INSC: variants seen among roughly 807,000 people sequenced by gnomAD.
INSC encodes protein inscuteable homolog.
A neutral mutation model predicts 58.6 loss-of-function variants in INSC; 67 were observed. The observed-to-expected ratio is 1.14, with a 90% CI of 0.94 to 1.40. The LOEUF (loss-of-function observed/expected upper bound fraction) is 1.40. Among genes scored for constraint, INSC ranks in the 40% most tolerant of loss-of-function variants. The probability of loss-of-function intolerance (pLI) is 0.00; values close to 1 mark genes in which losing one functional copy is unlikely to be tolerated. For missense variants in INSC, 714 were observed against 692.0 expected (o/e 1.03, Z -0.36); for synonymous variants, 262 against 276.1 (o/e 0.95, Z 0.51).
intron 10 of INSC, 86 bp from the exon 11 acceptor site, chr11:15,238,833 G>T: frequency 7.1e-7 from 1 of 1,417,442 alleles, no homozygotes; most frequent in Non-Finnish European, 9.7e-7. Flanking sequence ...GCCTTTGCTT[G>T]CACCCTGCAG....
chr11:15,176,250 A>G (rs544366761), intron 3 of INSC, among the ~76,000 whole-genome samples, 164 bp downstream of exon 3: 3 of 151,846 alleles, frequency 2.0e-5, no homozygotes, highest in South Asian at 2.1e-4. Flanking sequence ...CTGAGTGCCT[A>G]CTATGTGGTG....
chr11:15,179,901 TG>T (rs1381403379), intron 5 of INSC, among the ~76,000 whole-genome samples: 1 of 152,254 alleles, frequency 6.6e-6, no homozygotes, highest in African/African-American at 2.4e-5. Context: ...GTACAGGTGC[TG>T]GCTGTTGCTT....
At chr11:15,137,697 G>A (rs1329983417) in intron 1 of INSC, among the ~76,000 whole-genome samples, 1 of 152,184 alleles carries the variant, frequency 6.6e-6, no homozygotes, top group East Asian at 1.9e-4. Flanking sequence ...ACTTGCTGTA[G>A]ATTAGGCTTT....
intron 6 of INSC, among the ~76,000 whole-genome samples, chr11:15,196,506 A>C (rs1850375611): frequency 6.6e-6 from 1 of 152,086 alleles, no homozygotes; most frequent in Non-Finnish European, 1.5e-5. Context: ...TCTCCCTCCT[A>C]ATCAGTATTT....
In INSC at chr11:15,240,441, C is replaced by T. The variant is rs1054986052; in HGVS notation, c.1394-6C>T. On this transcript the variant is annotated splice_polypyrimidine_tract_variant and splice_region_variant and intron_variant, in intron 11 of 12. Transcript: ENST00000379556. Reference sequence around the variant, plus strand: ...GGGCCTGAGGCTCTCCCTGTGTCTCCTACAGGCATGTCCCGTCTCATCGAG... The same window carrying T: ...GGGCCTGAGGCTCTCCCTGTGTCTCTTACAGGCATGTCCCGTCTCATCGAG... The T allele has an allele frequency of 4.3e-6, 7 of 1,613,376 alleles. No homozygotes were observed. Among genetic ancestry groups the T allele is most frequent in the Non-Finnish European group, 5.9e-6 (7 of 1,179,660 alleles).
chr11:15,141,449 G>A (rs919992323), intron 1 of INSC, among the ~76,000 whole-genome samples: 3 of 152,170 alleles, frequency 2.0e-5, no homozygotes, highest in African/African-American at 7.2e-5. Flanking sequence ...GTCCTGGAGA[G>A]GATTCAGCCC....
At position 15,204,957 on chromosome 11, in the gene INSC, A is replaced by G. The variant is rs148585442; in HGVS notation, c.819+4008A>G. ...TAGACAGGTCACTGCATCCATCCCAATTGCTGCTGTGTCATGCCTGAGCCT... is the reference window on the plus strand; with the variant it reads ...TAGACAGGTCACTGCATCCATCCCAGTTGCTGCTGTGTCATGCCTGAGCCT... On this transcript the variant is annotated intron_variant, in intron 7 of 12. Coordinates refer to ENST00000379556, the MANE Select transcript of INSC (RefSeq NM_001042536.3). Among the ~76,000 whole-genome samples, 17 of 152,148 alleles carry G rather than the reference A, an allele frequency of 1.1e-4. No individual in the cohort carries two copies. The East Asian group carries it at 3.1e-3, about 28-fold the overall frequency.
In INSC at chr11:15,140,690, C is replaced by G. The variant is rs1714357; in HGVS notation, c.-45-8440C>G. ...AATTCCTGGGTTCAGGCAGTCCCCC[C>G]ACCTCAGCCTCCCCTGTAGCTGGGA... On this transcript the variant is annotated intron_variant, in intron 1 of 12. Transcript: ENST00000379556. 4.2e-3 allele frequency among the ~76,000 whole-genome samples: 642 copies of G among 151,956 alleles called. 9 individuals are homozygous for G. The highest frequency in any genetic ancestry group is 0.014 in the African/African-American group (596 of 41,432).
At chr11:15,198,377 A>AT (rs1335434787) in intron 6 of INSC, among the ~76,000 whole-genome samples, 2 of 152,124 alleles carry the variant, frequency 1.3e-5, no homozygotes, top group Admixed American at 1.3e-4. Flanking sequence ...TAAGAAGGCC[A>AT]TTTTTCACAG....
downstream of INSC, among the ~76,000 whole-genome samples, chr11:15,250,928 T>C (rs1852643609): frequency 6.6e-6 from 1 of 152,210 alleles, no homozygotes; most frequent in African/African-American, 2.4e-5. Flanking sequence ...CTGTTTAAGA[T>C]TGTAAAAATC....
chr11:15,200,993 G>A (rs748144160), intron 7 of INSC, 44 bp downstream of exon 7: 3 of 1,559,518 alleles, frequency 1.9e-6, no homozygotes, highest in Non-Finnish European at 2.6e-6. Flanking sequence ...CTCAAGCCAG[G>A]TAGGGGTGAG....
rs529518368 is a variant in INSC, at chr11:15,158,860, GT to G, written c.56+9651del. Reference sequence around the variant, plus strand: ...ATTATAACCAGATGAATTGTTGGTGGTTTTTTTTTTTTTTTTTTTTTGCCTG... The same window carrying G: ...ATTATAACCAGATGAATTGTTGGTGGTTTTTTTTTTTTTTTTTTTTGCCTG... On this transcript the variant is annotated intron_variant, in intron 2 of 12. Coordinates refer to ENST00000379556, the MANE Select transcript of INSC (RefSeq NM_001042536.3). Among the ~76,000 whole-genome samples, 166 of 109,656 alleles carry G rather than the reference GT, an allele frequency of 1.5e-3. 1 individual carries two copies. Among genetic ancestry groups the G allele is most frequent in the African/African-American group, 5.0e-3 (140 of 28,266 alleles). The allele number at this position is 109,656 out of a possible 152,430, so 71.9% of individuals were successfully genotyped here. A position where few individuals can be genotyped will look rare whatever the true frequency, so the allele number is the denominator to read the frequency against.
intron 10 of INSC, 133 bp downstream of exon 10, chr11:15,235,801 A>C: frequency 1.2e-6 from 1 of 806,140 alleles, no homozygotes; most frequent in Non-Finnish European, 2.2e-6. Context: ...CATGCCTGTA[A>C]TCCCAGCACT....
At chr11:15,111,485 G>A (rs1460567528), upstream of INSC, among the ~76,000 whole-genome samples, 1 of 152,220 alleles carries the variant, frequency 6.6e-6, no homozygotes, top group African/African-American at 2.4e-5. Context: ...GGAGAAGAAT[G>A]TGGAGTCAGG....
rs1365380400 is a variant in INSC, at chr11:15,206,977, AC to A, written c.819+6030del. Among the ~76,000 whole-genome samples, 3 of 152,156 alleles carry A rather than the reference AC, an allele frequency of 2.0e-5. No individual in the cohort carries two copies. In the South Asian group the frequency reaches 6.2e-4, roughly 32 times the overall value. ...CCTGGTTATTGGGGATTTTGCAATG[AC>A]CATGGCAGGGTGCCAGGTACTCTGA... On this transcript the variant is annotated intron_variant, in intron 7 of 12. Transcript: ENST00000379556.
At chr11:15,189,371 ATT>A in intron 5 of INSC, among the ~76,000 whole-genome samples, 1 of 418 alleles carries the variant, frequency 2.4e-3, no homozygotes, top group East Asian at 0.1. Flanking sequence ...CATTTTGTTT[ATT>A]TATTTATTTA....
intron 1 of INSC, among the ~76,000 whole-genome samples, chr11:15,140,863 G>A (rs149054075): frequency 1.4e-4 from 21 of 152,194 alleles, no homozygotes; most frequent in Non-Finnish European, 2.8e-4. Flanking sequence ...GGGATTGCAG[G>A]TGTGAGCCAC....
chr11:15,190,798 G>A lies in INSC; in HGVS notation c.677G>A (p.Cys226Tyr). 1 of 1,613,074 alleles carries A rather than the reference G, an allele frequency of 6.2e-7. No homozygotes were observed. Among genetic ancestry groups the A allele is most frequent in the African/African-American group, 1.3e-5 (1 of 75,042 alleles). ...CTGACCCAGGAGGGGGCTCCCTTGTGCCGCATCATAGCCAAGGTGAGCTTC... is the reference window on the plus strand; with the variant it reads ...CTGACCCAGGAGGGGGCTCCCTTGTACCGCATCATAGCCAAGGTGAGCTTC... ...FSLTQEGAPL[C>Y]RIIAKEGGVV... Residue 226 changes from cysteine to tyrosine, a missense_variant, in exon 6 of 13, where the codon TGC (cysteine) becomes TAC (tyrosine). Physicochemically the swap from Cys to Tyr is radical, Grantham distance 194 (BLOSUM62 -2). Coordinates refer to ENST00000379556, the MANE Select transcript of INSC (RefSeq NM_001042536.3).
chr11:15,115,356 G>A (rs1400893504), intron 1 of INSC, among the ~76,000 whole-genome samples: 1 of 152,156 alleles, frequency 6.6e-6, no homozygotes, highest in Non-Finnish European at 1.5e-5. Context: ...GCCCCCAGGT[G>A]GGCTGAGCCA....
Sources: allele counts gnomAD v4.1 joint callset (sites outside exome capture counted in the v4.1 genomes callset), GRCh38; gene constraint gnomAD v4.1.1; transcripts MANE v1.5; gene names NCBI Gene and HGNC (gene_info 2026-07-23, HGNC 2026-07-21).